IMMP2L: variants seen among roughly 807,000 people sequenced by gnomAD.
IMMP2L encodes inner mitochondrial membrane peptidase subunit 2.
IMMP2L carries 18 observed loss-of-function variants against 19.3 expected under a neutral mutation model. That is an observed-to-expected ratio of 0.93 (90% CI 0.64 to 1.38). The LOEUF is 1.38. IMMP2L is among the 40% of genes most tolerant of loss of function. The probability of loss-of-function intolerance (pLI) is 0.00; values close to 1 mark genes in which losing one functional copy is unlikely to be tolerated. For missense variants in IMMP2L, 233 were observed against 218.2 expected (o/e 1.07, Z -0.43); for synonymous variants, 76 against 73.0 (o/e 1.04, Z -0.21).
intron 5 of IMMP2L, among the ~76,000 whole-genome samples, chr7:110,815,139 A>C (rs1006995801): frequency 6.6e-6 from 1 of 152,056 alleles, no homozygotes; most frequent in African/African-American, 2.4e-5. Context: ...AGATATGTCC[A>C]ATCAATACCT....
intron 4 of IMMP2L, among the ~76,000 whole-genome samples, chr7:110,907,703 T>C (rs1219887999): frequency 2.0e-5 from 3 of 152,232 alleles, no homozygotes; most frequent in Admixed American, 6.5e-5. Flanking sequence ...CATGAGTTCA[T>C]ATATAAAAAA....
chr7:110,670,516 C>G (rs917429003), intron 5 of IMMP2L, among the ~76,000 whole-genome samples: 23 of 151,890 alleles, frequency 1.5e-4, no homozygotes, highest in African/African-American at 5.3e-4. Context: ...ATGGCAAAAC[C>G]CTGTCTCTAC....
At chr7:111,518,981 A>G (rs185777371) in intron 2 of IMMP2L, among the ~76,000 whole-genome samples, 1 of 152,270 alleles carries the variant, frequency 6.6e-6, no homozygotes, top group Admixed American at 6.5e-5. Context: ...GCCTAGCCAC[A>G]GGCTTGGGGT....
In IMMP2L at chr7:110,977,158, T is replaced by C. The variant is rs566009454; in HGVS notation, c.240-13593A>G. On this transcript the variant is annotated intron_variant, in intron 3 of 5. Transcript: ENST00000405709. The stretch of plus-strand genomic sequence containing the variant: ...TACGGTCATTAATTCATTCAGCAAA[T>C]ATATGCTGAATGACAAGCAGGTGCC... 3.9e-4 allele frequency among the ~76,000 whole-genome samples: 59 copies of C among 152,018 alleles called. 1 individual carries two copies. The highest frequency in any genetic ancestry group is 6.8e-3 in the Middle Eastern group (2 of 294).
chr7:111,235,402 T>G (rs1163584211), intron 3 of IMMP2L, among the ~76,000 whole-genome samples: 3 of 151,208 alleles, frequency 2.0e-5, no homozygotes, highest in Non-Finnish European at 4.4e-5. Flanking sequence ...ACTTGGGAAG[T>G]GGAGGTCGCG....
chr7:111,067,768 C>A (rs1170702324), intron 3 of IMMP2L, among the ~76,000 whole-genome samples: 3 of 151,994 alleles, frequency 2.0e-5, no homozygotes, highest in Non-Finnish European at 4.4e-5. Context: ...ACATTCAAAC[C>A]CAAGTTTGTC....
intron 5 of IMMP2L, among the ~76,000 whole-genome samples, chr7:110,879,816 T>TAAA (rs1809462669): frequency 6.6e-6 from 1 of 152,184 alleles, no homozygotes; most frequent in Admixed American, 6.6e-5. Context: ...TAATCTGCAC[T>TAAA]GGTAATGACC....
chr7:111,521,402 A>G lies in IMMP2L; in HGVS notation c.46T>C (p.Cys16Arg). The G allele has an allele frequency of 1.9e-6, 3 of 1,613,086 alleles. No homozygotes were observed. The highest frequency in any genetic ancestry group is 2.5e-6 in the Non-Finnish European group (3 of 1,179,304). Residue 16 changes from cysteine (C) to arginine (R), a missense_variant, in exon 2 of 6, where the codon TGT (cysteine) becomes CGT (arginine). Physicochemically the swap from Cys to Arg is radical, Grantham distance 180. Coordinates refer to ENST00000405709, the MANE Select transcript of IMMP2L (RefSeq NM_032549.4). Reference sequence around the variant, plus strand: ...GGCACCGCCACAAAGAAGCCTTTACAAAAGGCCTTGATGTATCTTTTCACC... The same window carrying G: ...GGCACCGCCACAAAGAAGCCTTTACGAAAGGCCTTGATGTATCTTTTCACC... ...GWVKRYIKAF[C>R]KGFFVAVPVA...
Position 111,150,477 on chromosome 7 carries a change from C to T in IMMP2L, c.240-186912G>A, listed in dbSNP as rs555723448. Among the ~76,000 whole-genome samples, 28 of 152,234 alleles carry T rather than the reference C, an allele frequency of 1.8e-4. 1 individual carries two copies. Among genetic ancestry groups the T allele is most frequent in the African/African-American group, 5.5e-4 (23 of 41,544 alleles). ...CTCATCTTGACAGTACAAACTTGCACCAAACCTCCAACTGAGTCCCTGGGA... is the reference window on the plus strand; with the variant it reads ...CTCATCTTGACAGTACAAACTTGCATCAAACCTCCAACTGAGTCCCTGGGA... On this transcript the variant is annotated intron_variant, in intron 3 of 5. Transcript: ENST00000405709.
At chr7:111,168,650 C>T (rs1049449020) in intron 3 of IMMP2L, among the ~76,000 whole-genome samples, 1 of 151,878 alleles carries the variant, frequency 6.6e-6, no homozygotes, top group African/African-American at 2.4e-5. Context: ...ATTTGAAAAA[C>T]AGATCTAAAG....
At chr7:111,133,094 G>T (rs1009399148) in intron 3 of IMMP2L, among the ~76,000 whole-genome samples, 1 of 151,974 alleles carries the variant, frequency 6.6e-6, no homozygotes, top group Non-Finnish European at 1.5e-5. Context: ...AAGCAGGGAA[G>T]CAAGGAGTGG....
rs533633019 is a variant in IMMP2L at position 111,308,619 on chromosome 7, T to C, written c.239+178619A>G. 2.0e-3 allele frequency among the ~76,000 whole-genome samples: 307 copies of C among 152,012 alleles called. 2 individuals are homozygous for C. Among genetic ancestry groups the C allele is most frequent in the Non-Finnish European group, 3.6e-3 (247 of 67,884 alleles). ...CTCTTTCTGGCCAATCTTACTTTAA[T>C]GGTATCATCATACAAAAGAAAGAAA... On this transcript the variant is annotated intron_variant, in intron 3 of 5. Transcript: ENST00000405709.
At chr7:111,442,319 T>C (rs1328224096) in intron 3 of IMMP2L, among the ~76,000 whole-genome samples, 1 of 151,832 alleles carries the variant, frequency 6.6e-6, no homozygotes, top group Admixed American at 6.6e-5. Flanking sequence ...ACTTCCTTAG[T>C]GGAACTGTAG....
chr7:111,124,260 T>C (rs749258211), intron 3 of IMMP2L: 1 of 1,613,906 alleles, frequency 6.2e-7, no homozygotes. Context: ...TATATACTTG[T>C]ATAGCAACTA....
intron 3 of IMMP2L, among the ~76,000 whole-genome samples, chr7:111,279,000 A>G (rs866354629): frequency 5.0e-4 from 76 of 152,280 alleles, no homozygotes; most frequent in African/African-American, 1.7e-3. Flanking sequence ...AATTTCAACC[A>G]CCCAAATAAT....
chr7:111,551,689 A>C (rs952382104), intron 1 of IMMP2L, among the ~76,000 whole-genome samples: 10 of 152,000 alleles, frequency 6.6e-5, no homozygotes, highest in Non-Finnish European at 1.5e-4. Flanking sequence ...ATCCACCACC[A>C]CCATCACTAC....
At chr7:110,995,474 T>C (rs898475234) in intron 3 of IMMP2L, among the ~76,000 whole-genome samples, 2 of 152,194 alleles carry the variant, frequency 1.3e-5, no homozygotes, top group Admixed American at 6.6e-5. Flanking sequence ...AGAGACACAG[T>C]AGAATTGTTC....
intron 3 of IMMP2L, among the ~76,000 whole-genome samples, chr7:111,046,666 T>C (rs1792426004): frequency 6.6e-6 from 1 of 152,166 alleles, no homozygotes; most frequent in Non-Finnish European, 1.5e-5. Context: ...TAGTCAAGAA[T>C]GAGCTACATA....
chr7:111,241,243 C>T (rs1486510490), intron 3 of IMMP2L, among the ~76,000 whole-genome samples: 1 of 151,762 alleles, frequency 6.6e-6, no homozygotes, highest in East Asian at 1.9e-4. Context: ...ATGGATGTGA[C>T]TCGTTTGAGG....
Sources: gnomAD v4.1 joint callset for allele counts (sites outside exome capture counted in the v4.1 genomes callset) on GRCh38, gnomAD v4.1.1 for gene constraint, MANE v1.5 for transcripts, NCBI Gene and HGNC (gene_info 2026-07-23, HGNC 2026-07-21) for gene names.